The following CPAMD8 variants were observed in gnomAD, a reference collection of about 807,000 sequenced individuals.
CPAMD8 encodes C3 and PZP-like alpha-2-macroglobulin domain-containing protein 8.
In CPAMD8, 146 loss-of-function variants were observed where a neutral mutation model predicts 224.7. The ratio of observed to expected loss-of-function variants is 0.65; its 90% CI spans 0.57 to 0.75. The LOEUF is 0.75. CPAMD8 is among the 30% of genes least tolerant of loss of function. CPAMD8 has a pLI of 0.00. For missense variants in CPAMD8, 2,301 were observed against 2,537.5 expected (o/e 0.91, Z 2.00); for synonymous variants, 966 against 1,044.6 (o/e 0.92, Z 1.45).
At chr19:16,995,975 C>G (rs894434889) in intron 11 of CPAMD8, among the ~76,000 whole-genome samples, 1 of 151,858 alleles carries the variant, frequency 6.6e-6, no homozygotes, top group Non-Finnish European at 1.5e-5. Flanking sequence ...TGTGGTGAAA[C>G]CCCGTCTCTA....
chr19:16,984,383 TA>T (rs1230829597), intron 13 of CPAMD8, among the ~76,000 whole-genome samples: 2 of 143,188 alleles, frequency 1.4e-5, no homozygotes, highest in East Asian at 4.1e-4. Context: ...TCACACCATA[TA>T]AAAAAATTAA....
chr19:16,937,747 G>A (rs551423060), intron 23 of CPAMD8, among the ~76,000 whole-genome samples: 2 of 146,960 alleles, frequency 1.4e-5, no homozygotes, highest in South Asian at 2.2e-4. Context: ...CCGCCTCCCC[G>A]GTTCAAGTGA....
At position 16,914,408 on chromosome 19, in the gene CPAMD8, C is replaced by G. The variant is rs773299188; in HGVS notation, c.3861+16G>C. 3.7e-6 allele frequency: 6 copies of G among 1,612,922 alleles called. No individual in the cohort carries two copies. Among genetic ancestry groups the G allele is most frequent in the Non-Finnish European group, 5.1e-6 (6 of 1,179,026 alleles). ...GTGCCCAGCCCCGAGTCTCCCCAAA[C>G]CCCTTCTGTACTCACCTCTGAGGCT... On this transcript the variant is annotated intron_variant, in intron 29 of 41. Transcript: ENST00000443236.
intron 18 of CPAMD8, among the ~76,000 whole-genome samples, chr19:16,961,578 G>A (rs1355898121): frequency 6.6e-6 from 1 of 152,256 alleles, no homozygotes; most frequent in Non-Finnish European, 1.5e-5. Context: ...CTCCACCTCT[G>A]TGAGCAGGGC....
rs752595745 is a variant in CPAMD8 at position 16,938,391 on chromosome 19, T to C, written c.2845+4A>G. The C allele has an allele frequency of 1.2e-5, 19 of 1,538,750 alleles. No individual in the cohort carries two copies. The highest frequency in any genetic ancestry group is 1.7e-6 in the Non-Finnish European group (2 of 1,145,046). Reference sequence around the variant, plus strand: ...CCTTAGCAGAATGGGCACGGGGGACTCACCACTGGGACAGAAGAATGCGCT... The same window carrying C: ...CCTTAGCAGAATGGGCACGGGGGACCCACCACTGGGACAGAAGAATGCGCT... On this transcript the variant is annotated splice_donor_region_variant and intron_variant, in intron 23 of 41. Coordinates refer to ENST00000443236, the MANE Select transcript of CPAMD8 (RefSeq NM_015692.5).
In CPAMD8 at chr19:16,901,224, C is replaced by T. The variant is rs373644095; in HGVS notation, c.4759G>A (p.Glu1587Lys). Residue 1587 changes from glutamate to lysine, a missense_variant, in exon 36 of 42, where the codon GAG becomes AAG. Coordinates refer to ENST00000443236, the MANE Select transcript of CPAMD8 (RefSeq NM_015692.5). ...CGCTGCCTCACCTGCTCCAGGCTCT[C>T]GATGTCTGCCCGGAAGCCTGACAGC... The part of the protein sequence containing the change: ...PLLSGFRADI[E>K]SLEQLLLDKH... 2.8e-5 allele frequency: 45 copies of T among 1,610,618 alleles called. No individual in the cohort carries two copies. Among genetic ancestry groups the T allele is most frequent in the African/African-American group, 5.3e-5 (4 of 74,870 alleles).
At position 16,896,613 on chromosome 19, in the gene CPAMD8, C is replaced by T; in HGVS notation, c.5118G>A (p.Ala1706=). The change falls in exon 40 of 42, where the codon GCG becomes GCA. Residue 1706 remains alanine (A), a synonymous_variant. Transcript: ENST00000443236. ...CGTGGTCGCAGCCGCATCGCGCGATCGCCGCCCCCTCCTCAGGGGCCACGG... is the reference window on the plus strand; with the variant it reads ...CGTGGTCGCAGCCGCATCGCGCGATTGCCGCCCCCTCCTCAGGGGCCACGG... ...GPAVAPEEGA[A]IARCGCDHDC... 6.6e-7 allele frequency: 1 copy of T among 1,505,790 alleles called. No homozygotes were observed. Among genetic ancestry groups the T allele is most frequent in the Non-Finnish European group, 8.8e-7 (1 of 1,132,930 alleles). The allele number at this position is 1,505,790 out of a possible 1,614,324, so 93.3% of individuals were successfully genotyped here.
intron 17 of CPAMD8, among the ~76,000 whole-genome samples, chr19:16,972,372 A>T (rs1263554684): frequency 6.6e-6 from 1 of 151,966 alleles, no homozygotes. Flanking sequence ...TGTACTAATT[A>T]CTGGGAGCAA....
rs910305987 is a variant in CPAMD8, at chr19:16,914,624, G to A, written c.3786+33C>T. 1.3e-5 allele frequency: 21 copies of A among 1,613,250 alleles called. No homozygotes were observed. The Admixed American group carries it at 2.5e-4, about 19-fold the overall frequency. On this transcript the variant is annotated intron_variant, in intron 28 of 41. Coordinates refer to ENST00000443236, the MANE Select transcript of CPAMD8 (RefSeq NM_015692.5). ...GGCTGGGGCTCTGGGAGGAGGTGAG[G>A]GGCCCGGGAAGGAGGCTCAAGGGGC...
intron 1 of CPAMD8, among the ~76,000 whole-genome samples, chr19:17,025,815 T>C (rs759777220): frequency 1.3e-5 from 2 of 152,148 alleles, no homozygotes; most frequent in Non-Finnish European, 2.9e-5. Context: ...TGTCTTGCTT[T>C]TAAAACTGTG....
intron 11 of CPAMD8, 145 bp from the exon 12 acceptor site, chr19:16,993,731 G>A (rs998514052): frequency 1.1e-5 from 8 of 751,004 alleles, no homozygotes; most frequent in South Asian, 1.9e-5. Context: ...ACAGGGCATC[G>A]CAACGAGTTC....
At chr19:16,981,508 G>T (rs1184266539) in intron 13 of CPAMD8, among the ~76,000 whole-genome samples, 1 of 152,164 alleles carries the variant, frequency 6.6e-6, no homozygotes, top group Non-Finnish European at 1.5e-5. Flanking sequence ...GGAAACTGAG[G>T]CCTTGGTTCT....
chr19:16,906,337 C>T (rs968794912), intron 30 of CPAMD8, among the ~76,000 whole-genome samples: 9 of 81,732 alleles, frequency 1.1e-4, no homozygotes, highest in Admixed American at 2.8e-4. Flanking sequence ...TCCTTCTTTC[C>T]CTTTCTTTCT....
At chr19:16,893,714 G>A (rs1016766428) in intron 41 of CPAMD8, 1 of 202,374 alleles carries the variant, frequency 4.9e-6, no homozygotes, top group African/African-American at 2.3e-5. Flanking sequence ...CTGGGCACGA[G>A]GACATCAGGA....
Position 17,011,511 on chromosome 19 carries a change from T to C in CPAMD8, c.439A>G (p.Ile147Val). 2 of 1,614,182 alleles carry C rather than the reference T, an allele frequency of 1.2e-6. No homozygotes were observed. Among genetic ancestry groups the C allele is most frequent in the Non-Finnish European group, 1.7e-6 (2 of 1,180,050 alleles). Reference sequence around the variant, plus strand: ...TTTGGAGAGACGGTGAAGATGCTTATGAGCACTAGAAGAAAGAAGAGAGGC... The same window carrying C: ...TTTGGAGAGACGGTGAAGATGCTTACGAGCACTAGAAGAAAGAAGAGAGGC... Reference protein sequence around the residue: ...PVYRPQHRVLISIFTVSPNLR... With the variant: ...PVYRPQHRVLVSIFTVSPNLR... The change falls in exon 5 of 42, where the codon ATA becomes GTA. Residue 147 changes from isoleucine to valine, a missense_variant. Physicochemically the swap from Ile to Val is conservative, Grantham distance 29. Coordinates refer to ENST00000443236, the MANE Select transcript of CPAMD8 (RefSeq NM_015692.5).
chr19:16,906,276 TTTC>T (rs1568458850), intron 30 of CPAMD8, among the ~76,000 whole-genome samples: 5 of 151,940 alleles, frequency 3.3e-5, no homozygotes, highest in Admixed American at 2.0e-4. Flanking sequence ...CCTTCCTTCC[TTTC>T]TTCCTCTCCC....
At chr19:17,014,555 G>A (rs774120132) in intron 3 of CPAMD8, among the ~76,000 whole-genome samples, 4 of 152,176 alleles carry the variant, frequency 2.6e-5, no homozygotes, top group South Asian at 4.1e-4. Context: ...ACAGTTTCAC[G>A]TGGCTGGGGA....
In CPAMD8 at chr19:16,976,111, T is replaced by C. The variant is rs2122706273; in HGVS notation, c.1799A>G (p.Glu600Gly). The change falls in exon 16 of 42, where the codon GAG (glutamate) becomes GGG (glycine). Residue 600 changes from glutamate (E) to glycine (G), a missense_variant. Coordinates refer to ENST00000443236, the MANE Select transcript of CPAMD8 (RefSeq NM_015692.5). Reference sequence around the variant, plus strand: ...AGCCCTGATCCGCAGGTCGACAACCTCCCCAGGTTGGGTCTCATTTGCTGA... The same window carrying C: ...AGCCCTGATCCGCAGGTCGACAACCCCCCCAGGTTGGGTCTCATTTGCTGA... ...TYSANETQPG[E>G]VVDLRIRAAR... 1.9e-6 allele frequency: 3 copies of C among 1,612,526 alleles called. No homozygotes were observed. The highest frequency in any genetic ancestry group is 2.5e-6 in the Non-Finnish European group (3 of 1,179,158).
intron 27 of CPAMD8, among the ~76,000 whole-genome samples, chr19:16,918,459 T>G (rs902587903): frequency 7.9e-6 from 1 of 126,048 alleles, no homozygotes; most frequent in Non-Finnish European, 1.8e-5. Context: ...TTTTTTTTTT[T>G]TTTTAAGAGA....
Sources: allele counts gnomAD v4.1 joint callset (sites outside exome capture counted in the v4.1 genomes callset), GRCh38; gene constraint gnomAD v4.1.1; transcripts MANE v1.5; gene names NCBI Gene and HGNC (gene_info 2026-07-23, HGNC 2026-07-21).